The following NAALAD2 variants were observed in gnomAD, a reference collection of about 807,000 sequenced individuals.
NAALAD2 encodes the protein N-acetylated-alpha-linked acidic dipeptidase 2.
NAALAD2 carries 89 observed loss-of-function variants against 95.6 expected under a neutral mutation model. The ratio of observed to expected loss-of-function variants is 0.93; its 90% CI spans 0.78 to 1.11. The LOEUF (loss-of-function observed/expected upper bound fraction) is 1.11, where lower values mean the gene tolerates loss of function less well. NAALAD2 is among the 50% of genes least tolerant of loss of function. The pLI, the probability that NAALAD2 is intolerant of heterozygous loss-of-function variation, is 0.00. For synonymous variants in NAALAD2, 264 were observed against 294.4 expected (o/e 0.90, Z 1.06); for missense variants, 894 against 872.4 (o/e 1.02, Z -0.31).
upstream of NAALAD2, among the ~76,000 whole-genome samples, chr11:90,133,019 T>C (rs3808978): frequency 0.45 from 68,290 of 152,028 alleles, 16,315 homozygotes; most frequent in African/African-American, 0.61. Context: ...AGAAATAAGT[T>C]ATTAGGCATA....
chr11:90,190,883 TA>T (rs1316142922), intron 18 of NAALAD2, among the ~76,000 whole-genome samples: 8 of 152,290 alleles, frequency 5.3e-5, no homozygotes, highest in South Asian at 2.1e-4. Context: ...CCTGATGTAT[TA>T]ATAAAATACA....
chr11:90,178,176 C>G (rs901227432), intron 16 of NAALAD2, 59 bp downstream of exon 16: 1 of 1,493,704 alleles, frequency 6.7e-7, no homozygotes, highest in Non-Finnish European at 9.0e-7. Flanking sequence ...AAGATATTAT[C>G]TCCTATGATG....
chr11:90,134,044 G>T (rs1454723535), upstream of NAALAD2, among the ~76,000 whole-genome samples: 2 of 152,152 alleles, frequency 1.3e-5, no homozygotes, highest in African/African-American at 4.8e-5. Flanking sequence ...CTGAGCTTTA[G>T]CATTAAGAAC....
intron 18 of NAALAD2, among the ~76,000 whole-genome samples, chr11:90,191,300 TAA>T (rs1043216464): frequency 2.7e-5 from 4 of 149,140 alleles, no homozygotes; most frequent in Non-Finnish European, 5.9e-5. Flanking sequence ...CTGCACAACT[TAA>T]AAGAACCTGC....
In NAALAD2 at chr11:90,138,725, C is replaced by CTTTTT. The variant is rs562496549; in HGVS notation, c.194+3085_194+3089dup. On this transcript the variant is annotated intron_variant, in intron 2 of 18. Coordinates refer to ENST00000534061, the MANE Select transcript of NAALAD2 (RefSeq NM_005467.4). ...TATCATGAAACCCTTCATCCCTCAA[C>CTTTTT]TTTTTTTTTTTTTTTTTTTTTTTTT... Among the ~76,000 whole-genome samples, 13 of 61,522 alleles carry CTTTTT rather than the reference C, an allele frequency of 2.1e-4. 1 individual carries two copies. Among genetic ancestry groups the CTTTTT allele is most frequent in the East Asian group, 5.1e-4 (1 of 1,962 alleles). 40.4% of individuals were successfully genotyped at this position (61,522 alleles called of 152,430 possible). A position where few individuals can be genotyped will look rare whatever the true frequency, so the allele number is the denominator to read the frequency against.
intron 2 of NAALAD2, among the ~76,000 whole-genome samples, chr11:90,142,463 C>T (rs1951643763): frequency 6.6e-6 from 1 of 152,048 alleles, no homozygotes; most frequent in Non-Finnish European, 1.5e-5. Context: ...ATGAATGGAG[C>T]CACGTCAGCC....
At chr11:90,161,286 A>G (rs1952289744) in intron 8 of NAALAD2, among the ~76,000 whole-genome samples, 1 of 151,672 alleles carries the variant, frequency 6.6e-6, no homozygotes, top group African/African-American at 2.4e-5. Flanking sequence ...GTGGATTTGA[A>G]TTATTTGCAT....
chr11:90,170,073 T>G lies in NAALAD2; in HGVS notation c.1347T>G (p.Asn449Lys). 6.4e-7 allele frequency: 1 copy of G among 1,567,602 alleles called. No homozygotes were observed. Among genetic ancestry groups the G allele is most frequent in the Non-Finnish European group, 8.8e-7 (1 of 1,137,948 alleles). Residue 449 changes from asparagine (N) to lysine (K), a missense_variant, in exon 13 of 19, where the codon AAT (asparagine) becomes AAG (lysine). Transcript: ENST00000534061. ...YINSDSSIEG[N>K]YTLRVDCTPL... is the part of the protein sequence containing the mutation. ...TGTGTCTTATTTATTTTTCAGGCAA[T>G]TATACTCTCAGAGTTGACTGTACTC...
Position 90,187,304 on chromosome 11 carries a change from C to T in NAALAD2, c.2034-4254C>T, listed in dbSNP as rs529319106. Among the ~76,000 whole-genome samples the T allele has an allele frequency of 1.7e-3, 255 of 152,084 alleles. 1 individual carries two copies. Among genetic ancestry groups the T allele is most frequent in the African/African-American group, 5.8e-3 (241 of 41,390 alleles). On this transcript the variant is annotated intron_variant, in intron 18 of 18. Coordinates refer to ENST00000534061, the MANE Select transcript of NAALAD2 (RefSeq NM_005467.4). Reference sequence around the variant, plus strand: ...CTAGAACTAGAAATAGCATTTGACCCAGGGTAAACACATTTTTAAATTTGA... The same window carrying T: ...CTAGAACTAGAAATAGCATTTGACCTAGGGTAAACACATTTTTAAATTTGA...
intron 18 of NAALAD2, among the ~76,000 whole-genome samples, chr11:90,189,595 C>G (rs894966679): frequency 1.3e-5 from 2 of 151,874 alleles, no homozygotes; most frequent in African/African-American, 2.4e-5. Context: ...ATGGTGAAAC[C>G]CCATCTCTAC....
At chr11:90,169,074 A>G (rs1952558095) in intron 12 of NAALAD2, 82 bp downstream of exon 12, 4 of 915,622 alleles carry the variant, frequency 4.4e-6, no homozygotes, top group Non-Finnish European at 6.8e-6. Flanking sequence ...GTAGAATACC[A>G]TCTACTAAGA....
At chr11:90,148,892 A>C (rs1951818137) in intron 3 of NAALAD2, 114 bp from the exon 4 acceptor site, 1 of 594,800 alleles carries the variant, frequency 1.7e-6, no homozygotes, top group African/African-American at 1.9e-5. Context: ...TTTATCTATT[A>C]CAGAACCTTG....
At chr11:90,185,345 A>G (rs1007320510) in intron 18 of NAALAD2, among the ~76,000 whole-genome samples, 1 of 152,066 alleles carries the variant, frequency 6.6e-6, no homozygotes, top group Admixed American at 6.6e-5. Context: ...AATGTATGGG[A>G]CCATACGTTA....
intron 18 of NAALAD2, 66 bp from the exon 19 acceptor site, chr11:90,191,492 A>C (rs1857325345): frequency 1.6e-6 from 2 of 1,236,570 alleles, no homozygotes; most frequent in Non-Finnish European, 1.1e-6. Context: ...CATGTGGTCT[A>C]AACAAAAAGC....
Position 90,170,248 on chromosome 11 carries a change from A to G in NAALAD2, c.1410+112A>G. ...TTTTAAGCTGGTGAGAGAACATAAT[A>G]GAATCATATAAACAAAACAAAATCT... On this transcript the variant is annotated intron_variant, in intron 13 of 18. Coordinates refer to ENST00000534061, the MANE Select transcript of NAALAD2 (RefSeq NM_005467.4). The G allele has an allele frequency of 2.8e-6, 2 of 725,152 alleles. 1 individual carries two copies. The highest frequency in any genetic ancestry group is 3.4e-5 in the South Asian group (2 of 58,596). 44.9% of individuals were successfully genotyped at this position (725,152 alleles called of 1,614,324 possible). A position where few individuals can be genotyped will look rare whatever the true frequency, so the allele number is the denominator to read the frequency against.
chr11:90,188,712 G>C (rs2135000265), intron 18 of NAALAD2, among the ~76,000 whole-genome samples: 1 of 152,278 alleles, frequency 6.6e-6, no homozygotes, highest in Non-Finnish European at 1.5e-5. Flanking sequence ...CAGCATGCTT[G>C]ATAAATTTTG....
intron 18 of NAALAD2, 145 bp downstream of exon 18, chr11:90,183,153 G>A (rs1002905095): frequency 1.1e-5 from 5 of 460,246 alleles, no homozygotes; most frequent in Non-Finnish European, 2.0e-5. Flanking sequence ...TTAATAATAG[G>A]TATAATACAT....
intron 14 of NAALAD2, 41 bp downstream of exon 14, chr11:90,173,956 T>A: frequency 7.9e-7 from 1 of 1,267,882 alleles, no homozygotes; most frequent in Non-Finnish European, 1.1e-6. Context: ...TAGGATAAGT[T>A]ATGAATTCCC....
intron 13 of NAALAD2, 83 bp downstream of exon 13, chr11:90,170,219 T>G (rs1952595102): frequency 2.3e-6 from 2 of 878,226 alleles, no homozygotes; most frequent in African/African-American, 3.3e-5. Context: ...TTAATGGTAC[T>G]TATTTTTAAG....
Sources: allele counts gnomAD v4.1 joint callset (sites outside exome capture counted in the v4.1 genomes callset), GRCh38; gene constraint gnomAD v4.1.1; transcripts MANE v1.5; gene names NCBI Gene and HGNC (gene_info 2026-07-23, HGNC 2026-07-21).